AGAP1: variants seen among roughly 807,000 people sequenced by gnomAD.
The protein encoded by AGAP1 is ArfGAP with GTPase domain, ankyrin repeat and PH domain 1.
In AGAP1, 29 loss-of-function variants were observed where a neutral mutation model predicts 105.3. That is an observed-to-expected ratio of 0.28 (90% CI 0.21 to 0.38). The LOEUF (loss-of-function observed/expected upper bound fraction) is 0.38, where lower values mean the gene tolerates loss of function less well. Among genes scored for constraint, AGAP1 ranks in the 10% least tolerant of loss-of-function variants. AGAP1 has a pLI of 1.00. For missense variants in AGAP1, 998 were observed against 1,165.1 expected (o/e 0.86, Z 2.09); for synonymous variants, 509 against 485.9 (o/e 1.05, Z -0.63).
Position 235,569,249 on chromosome 2 carries a change from AG to A in AGAP1, c.163+74402del, listed in dbSNP as rs1315503401. Among the ~76,000 whole-genome samples the A allele has an allele frequency of 6.6e-6, 1 of 152,128 alleles. No homozygotes were observed. On this transcript the variant is annotated intron_variant, in intron 1 of 17. Transcript: ENST00000304032. This position sits in a 1 kb window ranked among gnomAD's most constrained non-coding sequence, Gnocchi z 5.9. ...AGAATCGCTTGAACCCAGGAGGCGG[AG>A]GTTGTAGTGACCCAAGATCACGCCA...
Position 235,664,004 on chromosome 2 carries a change from C to T in AGAP1, c.164-45175C>T, listed in dbSNP as rs1948047411. ...TAGACAGCTGCAGTGTTGTGTGTTA[C>T]CCTTGACCGCATCCCTCCTGTCCCT... is the stretch of plus-strand genomic sequence containing the variant. On this transcript the variant is annotated intron_variant, in intron 1 of 17. Coordinates refer to ENST00000304032, the MANE Select transcript of AGAP1 (RefSeq NM_001037131.3). The surrounding 1 kb of genome is among the most constrained non-coding windows in gnomAD (Gnocchi z 5.7). 6.6e-6 allele frequency among the ~76,000 whole-genome samples: 1 copy of T among 152,120 alleles called. No homozygotes were observed. The highest frequency in any genetic ancestry group is 2.1e-4 in the South Asian group (1 of 4,824).
rs148655075 is a variant in AGAP1, at chr2:235,970,279, G to C, written c.1645+1656G>C. ...GTGAGGATAATCCCATTAAGTCAGC[G>C]ATGGTGGAAAATAATGGTTATGGGT... On this transcript the variant is annotated intron_variant, in intron 13 of 17. Transcript: ENST00000304032. This position sits in a 1 kb window ranked among gnomAD's most constrained non-coding sequence, Gnocchi z 5.4. 3.3e-5 allele frequency among the ~76,000 whole-genome samples: 5 copies of C among 151,302 alleles called. No homozygotes were observed. The highest frequency in any genetic ancestry group is 5.9e-5 in the Non-Finnish European group (4 of 67,944).
Position 236,040,929 on chromosome 2 carries a change from T to A in AGAP1, c.1891+88T>A, listed in dbSNP as rs528834242. 258 of 1,333,734 alleles carry A rather than the reference T, an allele frequency of 1.9e-4. 2 individuals are homozygous for A. The Middle Eastern group carries it at 4.9e-3, about 25-fold the overall frequency. 82.6% of individuals were successfully genotyped at this position (1,333,734 alleles called of 1,614,324 possible). A position where few individuals can be genotyped will look rare whatever the true frequency, so the allele number is the denominator to read the frequency against. The stretch of plus-strand genomic sequence containing the variant: ...AGGCCCGGGTTGCAGGGGACTCACA[T>A]CTGTCCTGTTTGGCAGATAAGAGTT... On this transcript the variant is annotated intron_variant, in intron 15 of 17. Coordinates refer to ENST00000304032, the MANE Select transcript of AGAP1 (RefSeq NM_001037131.3). The surrounding 1 kb of genome is among the most constrained non-coding windows in gnomAD (Gnocchi z 5.6).
chr2:235,973,168 G>A lies in AGAP1; in HGVS notation c.1645+4545G>A, dbSNP rs1484754297. Among the ~76,000 whole-genome samples the A allele has an allele frequency of 1.3e-5, 2 of 152,190 alleles. No homozygotes were observed. The highest frequency in any genetic ancestry group is 2.9e-5 in the Non-Finnish European group (2 of 68,030). On this transcript the variant is annotated intron_variant, in intron 13 of 17. Transcript: ENST00000304032. This position sits in a 1 kb window ranked among gnomAD's most constrained non-coding sequence, Gnocchi z 4.7. ...ATGGAAATTGGGCCGTTCCTGCCCT[G>A]GAGTTTCTCCCTGCGCAGGTGCTCG...
intron 6 of AGAP1, among the ~76,000 whole-genome samples, chr2:235,780,918 C>T (rs945142962): frequency 1.3e-5 from 2 of 152,226 alleles, no homozygotes; most frequent in African/African-American, 2.4e-5. Context: ...AAATTAAATA[C>T]TGTGGGGTTT....
At chr2:235,687,603 A>AT (rs1431162980) in intron 1 of AGAP1, among the ~76,000 whole-genome samples, 1 of 152,244 alleles carries the variant, frequency 6.6e-6, no homozygotes, top group Non-Finnish European at 1.5e-5. Flanking sequence ...AACTTATTAC[A>AT]TGAGGACCAG....
At position 235,736,615 on chromosome 2, in the gene AGAP1, G is replaced by A. The variant is rs919498278; in HGVS notation, c.311-4348G>A. ...TGGTGGAAAAAAGATCTCCCTTTGG[G>A]AGGCTGAGGCAGGTAGACCGCTTGA... On this transcript the variant is annotated intron_variant, in intron 3 of 17. Coordinates refer to ENST00000304032, the MANE Select transcript of AGAP1 (RefSeq NM_001037131.3). The surrounding 1 kb of genome is among the most constrained non-coding windows in gnomAD (Gnocchi z 5.5). 5.9e-5 allele frequency among the ~76,000 whole-genome samples: 9 copies of A among 152,198 alleles called. No homozygotes were observed. Among genetic ancestry groups the A allele is most frequent in the Non-Finnish European group, 8.8e-5 (6 of 68,032 alleles).
In AGAP1 at chr2:235,865,347, CCT is replaced by C. The variant is rs1199059494; in HGVS notation, c.1051-17997_1051-17996del. ...CAGGAAGGTCGCGCGGGTGAGCTGA[CCT>C]GTGTGTGGCGCAGCCTTGGGTTCCG... is the stretch of plus-strand genomic sequence containing the variant. On this transcript the variant is annotated intron_variant, in intron 9 of 17. Coordinates refer to ENST00000304032, the MANE Select transcript of AGAP1 (RefSeq NM_001037131.3). This position sits in a 1 kb window ranked among gnomAD's most constrained non-coding sequence, Gnocchi z 6.2. Among the ~76,000 whole-genome samples the C allele has an allele frequency of 6.6e-6, 1 of 152,164 alleles. No homozygotes were observed. The highest frequency in any genetic ancestry group is 6.5e-5 in the Admixed American group (1 of 15,276).
intron 16 of AGAP1, among the ~76,000 whole-genome samples, chr2:236,116,601 G>A (rs1043994802): frequency 2.0e-5 from 3 of 151,948 alleles, no homozygotes; most frequent in African/African-American, 4.8e-5. Context: ...CACCCACCAC[G>A]GCCTCCCAAA....
chr2:236,003,524 GGCCCAGA>G lies in AGAP1; in HGVS notation c.1646-33028_1646-33022del, dbSNP rs1470173661. Among the ~76,000 whole-genome samples the G allele has an allele frequency of 1.3e-5, 2 of 152,202 alleles. No homozygotes were observed. Among genetic ancestry groups the G allele is most frequent in the Non-Finnish European group, 2.9e-5 (2 of 68,026 alleles). On this transcript the variant is annotated intron_variant, in intron 13 of 17. Coordinates refer to ENST00000304032, the MANE Select transcript of AGAP1 (RefSeq NM_001037131.3). This position sits in a 1 kb window ranked among gnomAD's most constrained non-coding sequence, Gnocchi z 4.2. Reference sequence around the variant, plus strand: ...CTCTGAGCACAGACAAGGGACCCATGGCCCAGAGCCCAGAGTCACCCGCAGCCCCCCT... The same window carrying G: ...CTCTGAGCACAGACAAGGGACCCATGGCCCAGAGTCACCCGCAGCCCCCCT...
intron 8 of AGAP1, among the ~76,000 whole-genome samples, chr2:235,804,428 T>G (rs1316104434): frequency 6.6e-6 from 1 of 152,230 alleles, no homozygotes; most frequent in Non-Finnish European, 1.5e-5. Flanking sequence ...GCAAAATTCA[T>G]AGTGCGAAGA....
chr2:235,983,390 T>C lies in AGAP1; in HGVS notation c.1645+14767T>C, dbSNP rs1442118576. On this transcript the variant is annotated intron_variant, in intron 13 of 17. Coordinates refer to ENST00000304032, the MANE Select transcript of AGAP1 (RefSeq NM_001037131.3). This position sits in a 1 kb window ranked among gnomAD's most constrained non-coding sequence, Gnocchi z 4.5. ...CCATCACTTTCTACATTCTGGCCCCTTTTTCTCCTTTCCTTCTTTCTCTTC... is the reference window on the plus strand; with the variant it reads ...CCATCACTTTCTACATTCTGGCCCCCTTTTCTCCTTTCCTTCTTTCTCTTC... Among the ~76,000 whole-genome samples the C allele has an allele frequency of 6.6e-6, 1 of 152,192 alleles. No individual in the cohort carries two copies. Among genetic ancestry groups the C allele is most frequent in the Non-Finnish European group, 1.5e-5 (1 of 68,028 alleles).
At chr2:235,810,854 T>TTTA (rs61070151) in intron 9 of AGAP1, among the ~76,000 whole-genome samples, 1,936 of 146,428 alleles carry the variant, frequency 0.013, 45 homozygotes, top group African/African-American at 0.047. Flanking sequence ...TTTTTTTTTT[T>TTTA]ACTAATAAGG....
chr2:235,537,464 G>A (rs530760416), intron 1 of AGAP1, among the ~76,000 whole-genome samples: 50 of 152,334 alleles, frequency 3.3e-4, no homozygotes, highest in African/African-American at 1.2e-3. Context: ...TCATGAGGAT[G>A]TGGGAGGATG....
chr2:235,682,184 C>A (rs4233623), intron 1 of AGAP1, among the ~76,000 whole-genome samples: 113,663 of 151,944 alleles, frequency 0.75, 43,662 homozygotes, highest in African/African-American at 0.93. Flanking sequence ...GTTATGAAAC[C>A]GTATCAGCAC....
At position 236,095,115 on chromosome 2, in the gene AGAP1, G is replaced by A. The variant is rs2059160120; in HGVS notation, c.2115-25077G>A. On this transcript the variant is annotated intron_variant, in intron 16 of 17. Transcript: ENST00000304032. This position sits in a 1 kb window ranked among gnomAD's most constrained non-coding sequence, Gnocchi z 4.1. ...CTGTCTCAAAAAAGTTGTGGGGGCA[G>A]GGCAGGCGTGGTGGTTGACGCCTGT... Among the ~76,000 whole-genome samples, 1 of 151,564 alleles carries A rather than the reference G, an allele frequency of 6.6e-6. No homozygotes were observed. The highest frequency in any genetic ancestry group is 6.6e-5 in the Admixed American group (1 of 15,182).
chr2:236,007,767 G>T (rs1027521103), intron 13 of AGAP1, among the ~76,000 whole-genome samples: 1 of 152,242 alleles, frequency 6.6e-6, no homozygotes, highest in African/African-American at 2.4e-5. Context: ...GGAGGGCTAA[G>T]GTGGCCCCTG....
In AGAP1 at chr2:235,763,057, T is replaced by TGTGTGTGTGCGCGC. The variant is rs953192018; in HGVS notation, c.673+12570_673+12571insTGTGTGTGCGCGCG. ...TCGGGTGTGTGTGTGTGTGTATGTGTGCGCGCGCGCGCACACGTGCACCTG... is the reference window on the plus strand; with the variant it reads ...TCGGGTGTGTGTGTGTGTGTATGTGTGTGTGTGTGCGCGCGCGCGCGCGCGCACACGTGCACCTG... On this transcript the variant is annotated intron_variant, in intron 6 of 17. Transcript: ENST00000304032. 1.3e-4 allele frequency among the ~76,000 whole-genome samples: 14 copies of TGTGTGTGTGCGCGC among 107,108 alleles called. No individual in the cohort carries two copies. The South Asian group carries it at 3.5e-3, about 27-fold the overall frequency. 70.3% of individuals were successfully genotyped at this position (107,108 alleles called of 152,430 possible).
rs952611405 is a variant in AGAP1 at position 235,712,735 on chromosome 2, C to T, written c.222+3498C>T. Among the ~76,000 whole-genome samples, 1 of 152,214 alleles carries T rather than the reference C, an allele frequency of 6.6e-6. No homozygotes were observed. Among genetic ancestry groups the T allele is most frequent in the African/African-American group, 2.4e-5 (1 of 41,438 alleles). On this transcript the variant is annotated intron_variant, in intron 2 of 17. Coordinates refer to ENST00000304032, the MANE Select transcript of AGAP1 (RefSeq NM_001037131.3). The surrounding 1 kb of genome is among the most constrained non-coding windows in gnomAD (Gnocchi z 6.0). ...GCACAGAGGTTGACAGTGGCAACCT[C>T]TTCCTGCCTTAAGTACGTAGTTCTG...
Sources: gnomAD v4.1 joint callset for allele counts (sites outside exome capture counted in the v4.1 genomes callset) on GRCh38, gnomAD v4.1.1 for gene constraint, Gnocchi (gnomAD v3.1) non-coding constraint, MANE v1.5 for transcripts, NCBI Gene and HGNC (gene_info 2026-07-23, HGNC 2026-07-21) for gene names.